Variants in ARID3C observed in about 807,000 individuals in gnomAD.
ARID3C encodes the protein AT-rich interaction domain 3C, also known as AT-rich interactive domain-containing protein 3C.
Under a neutral mutation model 37.9 loss-of-function variants are expected in ARID3C, and 42 were observed. The ratio of observed to expected loss-of-function variants is 1.11; its 90% confidence interval spans 0.87 to 1.43. The LOEUF (loss-of-function observed/expected upper bound fraction) is 1.43, where lower values mean the gene tolerates loss of function less well. Ranked by LOEUF, ARID3C falls within the 40% of genes most tolerant of loss-of-function variation. ARID3C has a pLI of 0.00. For synonymous variants in ARID3C, 213 were observed against 228.0 expected (o/e 0.93, Z 0.59); for missense variants, 581 against 548.8 (o/e 1.06, Z -0.59).
upstream of ARID3C, chr9:34,628,174 G>T: frequency 1.0e-6 from 1 of 988,730 alleles, no homozygotes; most frequent in Non-Finnish European, 1.4e-6. The surrounding 1 kb of genome is among the most constrained non-coding windows in gnomAD (Gnocchi z 5.2). Flanking sequence ...TCAGGGAAGT[G>T]CAGGGGTCAC....
intron 3 of ARID3C, 62 bp from the exon 5 acceptor site, chr9:34,623,776 A>C (rs1199271981): frequency 4.0e-6 from 6 of 1,500,388 alleles, no homozygotes; most frequent in Non-Finnish European, 5.3e-6. Flanking sequence ...CAAGTCCCAC[A>C]GCCGGACGCC....
At chr9:34,628,256 C>T, upstream of ARID3C, 1 of 493,210 alleles carries the variant, frequency 2.0e-6, no homozygotes, top group Non-Finnish European at 3.5e-6. This position sits in a 1 kb window ranked among gnomAD's most constrained non-coding sequence, Gnocchi z 5.2. Flanking sequence ...AATCAAATGG[C>T]CATTGACTGA....
chr9:34,630,301 G>A (rs1031279732), upstream of ARID3C, among the ~76,000 whole-genome samples: 1 of 152,074 alleles, frequency 6.6e-6, no homozygotes, highest in African/African-American at 2.4e-5. Flanking sequence ...GTTCTGAGTG[G>A]CAGGCCTCTC....
chr9:34,623,766 C>T (rs1248297253), intron 3 of ARID3C, 52 bp from the exon 5 acceptor site: 2 of 1,500,824 alleles, frequency 1.3e-6, no homozygotes. Flanking sequence ...CCCAGCTGGT[C>T]AAGTCCCACA....
intron 3 of ARID3C, 62 bp downstream of exon 4, chr9:34,623,802 C>T (rs1339166810): frequency 2.0e-6 from 3 of 1,504,632 alleles, no homozygotes; most frequent in East Asian, 2.5e-5. Context: ...GGGGACCCTC[C>T]CCCCTCCCGC....
upstream of ARID3C, among the ~76,000 whole-genome samples, chr9:34,629,531 T>C (rs1172786572): frequency 1.3e-5 from 2 of 152,162 alleles, no homozygotes; most frequent in African/African-American, 4.8e-5. Flanking sequence ...TCCCTTTGCC[T>C]TGAGCACCCC....
chr9:34,630,880 T>G (rs1820717132), upstream of ARID3C, among the ~76,000 whole-genome samples: 1 of 152,112 alleles, frequency 6.6e-6, no homozygotes, highest in Non-Finnish European at 1.5e-5. Context: ...GAAGCTCCAG[T>G]GATCCAATCA....
chr9:34,631,093 C>T (rs1820719526), upstream of ARID3C, among the ~76,000 whole-genome samples: 1 of 152,184 alleles, frequency 6.6e-6, no homozygotes, highest in Non-Finnish European at 1.5e-5. Context: ...TTGTGCCCTG[C>T]TTGCTCCCTT....
upstream of ARID3C, among the ~76,000 whole-genome samples, chr9:34,628,703 G>A (rs921198198): frequency 6.6e-6 from 1 of 152,158 alleles, no homozygotes; most frequent in African/African-American, 2.4e-5. This position sits in a 1 kb window ranked among gnomAD's most constrained non-coding sequence, Gnocchi z 5.2. Flanking sequence ...ACAGAAGAGA[G>A]AGATTAGAAA....
chr9:34,621,780 T>C (rs1332301984), intron 6 of ARID3C, among the ~76,000 whole-genome samples: 2 of 152,120 alleles, frequency 1.3e-5, no homozygotes, highest in Non-Finnish European at 2.9e-5. Flanking sequence ...TGCTGATACA[T>C]AGGCCCAAGA....
chr9:34,625,614 G>T (rs778725125), intron 2 of ARID3C, 128 bp downstream of exon 3: 28 of 763,970 alleles, frequency 3.7e-5, no homozygotes, highest in Non-Finnish European at 5.3e-5. Flanking sequence ...AGAGGTTAAA[G>T]ACGCTATCGA....
intron 1 of ARID3C, among the ~76,000 whole-genome samples, chr9:34,626,842 A>G (rs1820659525): frequency 6.6e-6 from 1 of 152,168 alleles, no homozygotes; most frequent in African/African-American, 2.4e-5. Context: ...TACTAATGCC[A>G]GAGTACTAGT....
intron 2 of ARID3C, 51 bp from the exon 4 acceptor site, chr9:34,624,098 C>T (rs1173459927): frequency 6.6e-7 from 1 of 1,514,832 alleles, no homozygotes; most frequent in East Asian, 2.4e-5. Flanking sequence ...ACCCTGTCTG[C>T]AGCATCCCCA....
At chr9:34,629,209 C>G (rs1423372414), upstream of ARID3C, among the ~76,000 whole-genome samples, 1 of 152,186 alleles carries the variant, frequency 6.6e-6, no homozygotes, top group Non-Finnish European at 1.5e-5. Flanking sequence ...GGGCAGGGGG[C>G]GCTGGAAAGC....
chr9:34,630,961 C>A (rs1446059676), upstream of ARID3C, among the ~76,000 whole-genome samples: 1 of 152,186 alleles, frequency 6.6e-6, no homozygotes, highest in Non-Finnish European at 1.5e-5. Flanking sequence ...GCCAAGCCTC[C>A]TCCTCTGCCC....
At chr9:34,628,457 G>A (rs1162274322), upstream of ARID3C, among the ~76,000 whole-genome samples, 3 of 152,052 alleles carry the variant, frequency 2.0e-5, no homozygotes. This position sits in a 1 kb window ranked among gnomAD's most constrained non-coding sequence, Gnocchi z 5.2. Context: ...AGACTGAGAG[G>A]GACCAAGATG....
At chr9:34,622,685 A>G (rs1260186855) in intron 4 of ARID3C, among the ~76,000 whole-genome samples, 156 bp from the exon 6 acceptor site, 1 of 152,216 alleles carries the variant, frequency 6.6e-6, no homozygotes, top group Non-Finnish European at 1.5e-5. Context: ...TCAGCCTGGA[A>G]GCGCTGAAGC....
chr9:34,627,213 C>T (rs184740805), intron 1 of ARID3C, among the ~76,000 whole-genome samples: 1 of 152,308 alleles, frequency 6.6e-6, no homozygotes, highest in Admixed American at 6.5e-5. Context: ...TGAGTGATAA[C>T]CTCCATTCTG....
At chr9:34,623,429 C>T (rs1310341541) in exon 4 of ARID3C, 2 of 1,500,088 alleles carry the variant, frequency 1.3e-6, no homozygotes, top group East Asian at 2.4e-5. Context: ...TCGCACCTTT[C>T]TTAATAGGGC....
Sources: gnomAD v4.1 joint callset for allele counts (sites outside exome capture counted in the v4.1 genomes callset) on GRCh38, gnomAD v4.1.1 for gene constraint, Gnocchi (gnomAD v3.1) non-coding constraint, MANE v1.5 for transcripts, NCBI Gene and HGNC (gene_info 2026-07-23, HGNC 2026-07-21) for gene names.